The following DUOX1 variants were observed in gnomAD, a reference collection of about 807,000 sequenced individuals.
The protein encoded by DUOX1 is NADPH thyroid oxidase 1.
DUOX1 carries 134 observed loss-of-function variants against 181.8 expected under a neutral mutation model. That is an observed-to-expected ratio of 0.74 (90% CI 0.64 to 0.85). DUOX1 has a LOEUF of 0.85. Among genes scored for constraint, DUOX1 ranks in the 40% least tolerant of loss-of-function variants. The pLI is 0.00. For missense variants in DUOX1, 1,814 were observed against 2,064.4 expected (o/e 0.88, Z 2.35); for synonymous variants, 798 against 832.5 (o/e 0.96, Z 0.71).
chr15:45,131,370 GCCCAA>G (rs1896140214), intron 1 of DUOX1: 1 of 155,744 alleles, frequency 6.4e-6, no homozygotes, highest in Non-Finnish European at 1.4e-5. Flanking sequence ...TATCACATTT[GCCCAA>G]CACCTGTCAC....
At chr15:45,154,457 C>T (rs1004052078) in intron 27 of DUOX1, among the ~76,000 whole-genome samples, 1 of 152,208 alleles carries the variant, frequency 6.6e-6, no homozygotes, top group East Asian at 1.9e-4. Flanking sequence ...ATATTCCTAA[C>T]TCCCTATAAT....
intron 13 of DUOX1, 108 bp downstream of exon 13, chr15:45,141,178 C>G (rs2141265346): frequency 6.4e-7 from 1 of 1,562,780 alleles, no homozygotes; most frequent in Non-Finnish European, 8.8e-7. Context: ...GCCAGCCCAC[C>G]ACCCACTTCC....
chr15:45,154,072 C>A, intron 27 of DUOX1, 72 bp downstream of exon 27: 1 of 1,403,356 alleles, frequency 7.1e-7, no homozygotes, highest in Non-Finnish European at 1.0e-6. Context: ...CTCTGCACCC[C>A]AGAGCAACCC....
At chr15:45,141,940 A>G (rs200771128) in intron 14 of DUOX1, 35 bp from the exon 15 acceptor site, 38 of 1,588,100 alleles carry the variant, frequency 2.4e-5, no homozygotes, top group Non-Finnish European at 2.7e-5. Flanking sequence ...CCTGTGGCCC[A>G]GCACCCAGGA....
In DUOX1 at chr15:45,163,652, C is replaced by T. The variant is rs1897159516; in HGVS notation, c.4369C>T (p.Leu1457=). Residue 1457 remains leucine, a synonymous_variant, in exon 32 of 34, where the codon CTG becomes TTG. Coordinates refer to ENST00000389037, the MANE Select transcript of DUOX1 (RefSeq NM_175940.3). ...GTCTGTGCACATCTACATCACCCAG[C>T]TGGCTGAGAAGTTCGACCTCAGGAC... ...LVSVHIYITQ[L]AEKFDLRTTM... 1 of 1,614,178 alleles carries T rather than the reference C, an allele frequency of 6.2e-7. No individual in the cohort carries two copies. Among genetic ancestry groups the T allele is most frequent in the Admixed American group, 1.7e-5 (1 of 60,024 alleles).
Position 45,139,050 on chromosome 15 carries a change from C to A in DUOX1, c.1114-16C>A. The A allele has an allele frequency of 1.9e-6, 3 of 1,610,330 alleles. No individual in the cohort carries two copies. The highest frequency in any genetic ancestry group is 2.5e-6 in the Non-Finnish European group (3 of 1,178,024). ...ATTAACCACACCCCTTTCCTCCCCA[C>A]CCCCAACCTATAAAGCACCCAAGCC... On this transcript the variant is annotated splice_polypyrimidine_tract_variant and intron_variant, in intron 10 of 33. Coordinates refer to ENST00000389037, the MANE Select transcript of DUOX1 (RefSeq NM_175940.3).
intron 26 of DUOX1, 67 bp downstream of exon 26, chr15:45,153,546 GTA>G (rs1242766269): frequency 2.6e-4 from 71 of 277,874 alleles, no homozygotes; most frequent in South Asian, 3.1e-4. Flanking sequence ...GTGTGTGTGT[GTA>G]TAATGGGGAG....
intron 9 of DUOX1, among the ~76,000 whole-genome samples, 175 bp downstream of exon 9, chr15:45,136,800 A>C (rs1377141904): frequency 6.6e-6 from 1 of 152,168 alleles, no homozygotes; most frequent in African/African-American, 2.4e-5. Context: ...TGTGGTTTTT[A>C]AGTATTTTTA....
At chr15:45,138,796 C>T (rs1896408257) in intron 10 of DUOX1, 4 of 432,760 alleles carry the variant, frequency 9.2e-6, no homozygotes, top group African/African-American at 6.1e-5. Flanking sequence ...GTTACTTTGC[C>T]AACCACACTG....
At chr15:45,135,428 T>TCGC (rs1480475546) in intron 5 of DUOX1, 46 bp from the exon 6 acceptor site, 1 of 1,532,412 alleles carries the variant, frequency 6.5e-7, no homozygotes, top group African/African-American at 1.4e-5. Flanking sequence ...CTTCCCTAGC[T>TCGC]CGCCGCCGCC....
intron 31 of DUOX1, 41 bp downstream of exon 31, chr15:45,162,418 CT>C: frequency 6.3e-7 from 1 of 1,596,862 alleles, no homozygotes; most frequent in Admixed American, 1.7e-5. Context: ...ATGGCCCCTT[CT>C]TCCTTGTCAT....
intron 25 of DUOX1, 49 bp downstream of exon 25, chr15:45,152,565 C>A: frequency 6.6e-7 from 1 of 1,516,312 alleles, no homozygotes; most frequent in Non-Finnish European, 9.1e-7. Flanking sequence ...CCCGCCCCCG[C>A]TGACTTCCCC....
rs1383373657 is a variant in DUOX1 at position 45,135,912 on chromosome 15, C to G, written c.828C>G (p.Phe276Leu). 6.8e-7 allele frequency: 1 copy of G among 1,472,030 alleles called. No individual in the cohort carries two copies. The highest frequency in any genetic ancestry group is 2.0e-5 in the Admixed American group (1 of 49,116). The allele number at this position is 1,472,030 out of a possible 1,614,324, so 91.2% of individuals were successfully genotyped here. A position where few individuals can be genotyped will look rare whatever the true frequency, so the allele number is the denominator to read the frequency against. ...QHPDWEDEEL[F>L]QHARKRVIAT... ...CAGACTGGGAGGACGAGGAGCTGTT[C>G]CAGCACGCACGCAAGAGGGTCATCG... Residue 276 changes from phenylalanine to leucine, a missense_variant, in exon 7 of 34, where the codon TTC (phenylalanine) becomes TTG (leucine). Coordinates refer to ENST00000389037, the MANE Select transcript of DUOX1 (RefSeq NM_175940.3).
chr15:45,150,430 C>G lies in DUOX1; in HGVS notation c.2819-202C>G, dbSNP rs1420216223. On this transcript the variant is annotated intron_variant, in intron 21 of 33. Coordinates refer to ENST00000389037, the MANE Select transcript of DUOX1 (RefSeq NM_175940.3). The stretch of plus-strand genomic sequence containing the variant: ...CCTGCCTGGCCAACTTTCTTTCAGG[C>G]CTTTTCCCTGCCCACCTATGGCTGG... 4 of 575,924 alleles carry G rather than the reference C, an allele frequency of 6.9e-6. No individual in the cohort carries two copies. The African/African-American group carries it at 7.5e-5, about 11-fold the overall frequency. The allele number at this position is 575,924 out of a possible 1,614,324, so 35.7% of individuals were successfully genotyped here.
In DUOX1 at chr15:45,135,850, C is replaced by T. The variant is rs1266717007; in HGVS notation, c.766C>T (p.His256Tyr). 7.0e-7 allele frequency: 1 copy of T among 1,426,052 alleles called. No individual in the cohort carries two copies. The highest frequency in any genetic ancestry group is 1.4e-5 in the African/African-American group (1 of 69,972). The allele number at this position is 1,426,052 out of a possible 1,614,324, so 88.3% of individuals were successfully genotyped here. A position where few individuals can be genotyped will look rare whatever the true frequency, so the allele number is the denominator to read the frequency against. The change falls in exon 7 of 34, where the codon CAC (histidine) becomes TAC (tyrosine). Residue 256 changes from histidine to tyrosine, a missense_variant. By Grantham distance (83) the His-to-Tyr change is moderately conservative. Coordinates refer to ENST00000389037, the MANE Select transcript of DUOX1 (RefSeq NM_175940.3). ...GCTGGGCCTGCTCTGGTTCCGCTAC[C>T]ACAACCTGTGGGCGCAGAGGCTGGC... is the stretch of plus-strand genomic sequence containing the variant. ...QALGLLWFRY[H>Y]NLWAQRLARQ...
At chr15:45,151,750 T>C (rs965657307) in intron 23 of DUOX1, 124 bp from the exon 24 acceptor site, 2 of 996,894 alleles carry the variant, frequency 2.0e-6, no homozygotes, top group African/African-American at 1.6e-5. Context: ...CAAGGGTAAC[T>C]AGGTTTCTTT....
Position 45,163,648 on chromosome 15 carries a change from C to T in DUOX1, c.4365C>T (p.Thr1455=). Residue 1455 remains threonine (T), a synonymous_variant, in exon 32 of 34, where the codon ACC becomes ACT. Transcript: ENST00000389037. Reference sequence around the variant, plus strand: ...TGGTGTCTGTGCACATCTACATCACCCAGCTGGCTGAGAAGTTCGACCTCA... The same window carrying T: ...TGGTGTCTGTGCACATCTACATCACTCAGCTGGCTGAGAAGTTCGACCTCA... The part of the protein sequence containing the change: ...QDLVSVHIYI[T]QLAEKFDLRT... The T allele has an allele frequency of 6.2e-7, 1 of 1,614,116 alleles. No individual in the cohort carries two copies. The highest frequency in any genetic ancestry group is 8.5e-7 in the Non-Finnish European group (1 of 1,180,022).
At chr15:45,140,503 T>C (rs990808297) in intron 12 of DUOX1, 1 of 180,126 alleles carries the variant, frequency 5.6e-6, no homozygotes, top group Non-Finnish European at 1.2e-5. Context: ...AAAGGCAATA[T>C]ATAATCAGGC....
At chr15:45,150,767 G>A in intron 22 of DUOX1, 66 bp downstream of exon 22, 1 of 1,503,866 alleles carries the variant, frequency 6.6e-7, no homozygotes, top group African/African-American at 1.4e-5. Context: ...CCCCTGAATG[G>A]CTGGGATCAG....
Sources: gnomAD v4.1 joint callset for allele counts (sites outside exome capture counted in the v4.1 genomes callset) on GRCh38, gnomAD v4.1.1 for gene constraint, MANE v1.5 for transcripts, NCBI Gene and HGNC (gene_info 2026-07-23, HGNC 2026-07-21) for gene names.